PARVB: variants seen among roughly 807,000 people sequenced by gnomAD.
The protein encoded by PARVB is beta-parvin.
A neutral mutation model predicts 47.0 loss-of-function variants in PARVB; 46 were observed. The observed-to-expected ratio is 0.98, with a 90% CI of 0.77 to 1.25. PARVB has a LOEUF of 1.25. Ranked by LOEUF, PARVB falls within the 50% of genes most tolerant of loss-of-function variation. The pLI, the probability that PARVB is intolerant of heterozygous loss-of-function variation, is 0.00. For synonymous variants in PARVB, 196 were observed against 196.3 expected (o/e 1.00, Z 0.01); for missense variants, 473 against 471.6 (o/e 1.00, Z -0.03).
chr22:44,164,416 C>CT (rs71674584), intron 12 of PARVB, among the ~76,000 whole-genome samples: 9 of 127,750 alleles, frequency 7.0e-5, no homozygotes, highest in East Asian at 4.0e-4. Context: ...CTGTCCCCCC[C>CT]CCGGCTCCTG....
At chr22:44,026,386 G>T (rs1603424444) in intron 1 of PARVB, 12 of 984,268 alleles carry the variant, frequency 1.2e-5, no homozygotes, top group Non-Finnish European at 1.4e-5. Context: ...GGTGAGCTGG[G>T]CGCCCTGCCT....
intron 12 of PARVB, among the ~76,000 whole-genome samples, chr22:44,165,868 G>C (rs542108990): frequency 3.3e-5 from 5 of 152,324 alleles, no homozygotes; most frequent in African/African-American, 1.2e-4. Context: ...AACACACCAG[G>C]TCCCTGCTGA....
chr22:44,160,123 GCCACTGTTTGAGCCTTAC>G (rs1480879870), intron 11 of PARVB, among the ~76,000 whole-genome samples: 1 of 152,202 alleles, frequency 6.6e-6, no homozygotes, highest in Non-Finnish European at 1.5e-5. Flanking sequence ...TTGTTGCAAA[GCCACTGTTTGAGCCTTAC>G]CCTGCACTGG....
chr22:44,030,052 T>G (rs1420654638), intron 1 of PARVB, among the ~76,000 whole-genome samples: 1 of 152,276 alleles, frequency 6.6e-6, no homozygotes, highest in Admixed American at 6.5e-5. Flanking sequence ...GAGAATTTCC[T>G]TCAGGGCATC....
In PARVB at chr22:44,024,388, A is replaced by T; in HGVS notation, c.49A>T (p.Lys17Ter). 8.0e-7 allele frequency: 1 copy of T among 1,248,900 alleles called. No homozygotes were observed. The highest frequency in any genetic ancestry group is 1.0e-6 in the Non-Finnish European group (1 of 981,638). 77.4% of individuals were successfully genotyped at this position (1,248,900 alleles called of 1,614,324 possible). A position where few individuals can be genotyped will look rare whatever the true frequency, so the allele number is the denominator to read the frequency against. ...CACCCCGCGGCCCCGCAGGATGAAGAAGGACGAGTCGTTCCTGGGCAAGCT... is the reference window on the plus strand; with the variant it reads ...CACCCCGCGGCCCCGCAGGATGAAGTAGGACGAGTCGTTCCTGGGCAAGCT... ...SPTPRPRRMKKDESFLGKLGG... is the reference protein window; with the variant it reads ...SPTPRPRRMK Residue 17 changes from lysine to a stop codon, truncating the protein, a stop_gained, in exon 1 of 13, where the codon AAG becomes TAG. Transcript: ENST00000338758. LOFTEE classifies it high-confidence loss of function.
intron 1 of PARVB, among the ~76,000 whole-genome samples, chr22:44,076,868 C>A (rs975139858): frequency 6.6e-6 from 1 of 152,132 alleles, no homozygotes; most frequent in Non-Finnish European, 1.5e-5. Flanking sequence ...TGCCCCCTCC[C>A]CAGCCCTCGG....
intron 1 of PARVB, among the ~76,000 whole-genome samples, chr22:44,076,474 G>C (rs1024562984): frequency 6.6e-6 from 1 of 152,240 alleles, no homozygotes; most frequent in African/African-American, 2.4e-5. Flanking sequence ...GGAGGGTGCA[G>C]CCCAGGGGTT....
intron 1 of PARVB, chr22:44,039,692 C>T (rs762187758): frequency 1.5e-5 from 5 of 341,212 alleles, no homozygotes; most frequent in Non-Finnish European, 2.9e-5. Context: ...ATTGACAGGA[C>T]GGAATGATCC....
intron 1 of PARVB, among the ~76,000 whole-genome samples, chr22:44,053,240 C>T (rs896204852): frequency 2.6e-5 from 4 of 151,988 alleles, no homozygotes; most frequent in African/African-American, 4.8e-5. Flanking sequence ...TACACCACCT[C>T]GCCCAGCTAA....
intron 12 of PARVB, chr22:44,168,380 C>G: frequency 1.9e-6 from 1 of 522,342 alleles, no homozygotes; most frequent in South Asian, 2.1e-5. Flanking sequence ...AGGTGCCTGT[C>G]CCCGCAGGGT....
chr22:44,152,224 A>G (rs1392872680), intron 10 of PARVB: 1 of 147,684 alleles, frequency 6.8e-6, no homozygotes, highest in East Asian at 2.0e-4. Context: ...ATCTCGGCTC[A>G]CTGCAACCTC....
At chr22:44,098,248 G>C (rs540114867) in intron 2 of PARVB, among the ~76,000 whole-genome samples, 2 of 152,164 alleles carry the variant, frequency 1.3e-5, no homozygotes, top group Admixed American at 6.5e-5. Context: ...GTGGACTCAC[G>C]GCCTGGCCCT....
intron 1 of PARVB, among the ~76,000 whole-genome samples, chr22:44,050,437 G>A (rs1038416757): frequency 4.0e-5 from 6 of 151,512 alleles, no homozygotes; most frequent in East Asian, 3.9e-4. Flanking sequence ...TCCGCCTCCC[G>A]GGTTCAAGTG....
At chr22:44,061,215 G>A (rs1376840049) in intron 1 of PARVB, among the ~76,000 whole-genome samples, 1 of 152,144 alleles carries the variant, frequency 6.6e-6, no homozygotes, top group Non-Finnish European at 1.5e-5. Flanking sequence ...GATCACCTGA[G>A]GTCAGGAGTT....
chr22:44,084,517 T>C (rs738482), intron 1 of PARVB, among the ~76,000 whole-genome samples: 91,364 of 152,186 alleles, frequency 0.6, 28,543 homozygotes, highest in African/African-American at 0.78. Context: ...CACTGGCCAA[T>C]CCAAGAATAG....
exon 2 of PARVB, chr22:43,999,549 G>C: frequency 6.3e-7 from 1 of 1,593,764 alleles, no homozygotes; most frequent in Non-Finnish European, 8.6e-7. Context: ...GGCTGGAGCT[G>C]AGACGTGGGT....
chr22:44,042,467 G>C (rs1404910385), intron 1 of PARVB, among the ~76,000 whole-genome samples: 1 of 152,184 alleles, frequency 6.6e-6, no homozygotes, highest in Admixed American at 6.5e-5. Context: ...TCCCCAGTAA[G>C]CTGTCACTTG....
intron 11 of PARVB, among the ~76,000 whole-genome samples, chr22:44,158,378 C>T (rs998623237): frequency 7.9e-5 from 12 of 152,184 alleles, no homozygotes; most frequent in Non-Finnish European, 1.5e-4. Context: ...ACCCTTCCCC[C>T]ATTCTGCTGC....
chr22:44,081,020 G>A (rs755531595), intron 1 of PARVB, among the ~76,000 whole-genome samples: 8 of 152,200 alleles, frequency 5.3e-5, no homozygotes, highest in Admixed American at 3.3e-4. Context: ...TCCACCTGCC[G>A]TCATCCCTCC....
Sources: allele counts gnomAD v4.1 joint callset (sites outside exome capture counted in the v4.1 genomes callset), GRCh38; gene constraint gnomAD v4.1.1; transcripts MANE v1.5; gene names NCBI Gene and HGNC (gene_info 2026-07-23, HGNC 2026-07-21).